MEIOSIN: variants seen among roughly 807,000 people sequenced by gnomAD.
MEIOSIN encodes meiosis initiator protein.
Under a neutral mutation model 23.4 loss-of-function variants are expected in MEIOSIN, and 18 were observed. That is an observed-to-expected ratio of 0.77 (90% CI 0.53 to 1.14). The LOEUF (loss-of-function observed/expected upper bound fraction) is 1.14. Among genes scored for constraint, MEIOSIN ranks in the 50% most tolerant of loss-of-function variants. The probability of loss-of-function intolerance (pLI) is 0.00; values close to 1 mark genes in which losing one functional copy is unlikely to be tolerated. For missense variants in MEIOSIN, 428 were observed against 242.9 expected, an observed-to-expected ratio of 1.76 and a Z score of -5.07; for synonymous variants, 187 against 100.6, an observed-to-expected ratio of 1.86 and a Z score of -5.14.
intron 1 of MEIOSIN, among the ~76,000 whole-genome samples, chr19:45,734,172 A>C (rs1600371701): frequency 6.6e-6 from 1 of 152,112 alleles, no homozygotes; most frequent in African/African-American, 2.4e-5. Context: ...AGTCTTTAGA[A>C]GCACGTTTTA....
intron 5 of MEIOSIN, among the ~76,000 whole-genome samples, chr19:45,752,957 C>G (rs1161786155): frequency 7.5e-6 from 1 of 133,576 alleles, no homozygotes; most frequent in African/African-American, 2.8e-5. Flanking sequence ...GAGTCTCGCT[C>G]TTTTCGCCCA....
At chr19:45,756,489 G>A (rs906433847) in intron 8 of MEIOSIN, among the ~76,000 whole-genome samples, 13 of 152,158 alleles carry the variant, frequency 8.5e-5, no homozygotes, top group African/African-American at 2.9e-4. Flanking sequence ...ACAATCATAG[G>A]TCACTGCCGC....
chr19:45,755,695 C>T lies in MEIOSIN; in HGVS notation c.803-275C>T, dbSNP rs563415938. Among the ~76,000 whole-genome samples, 8 of 152,300 alleles carry T rather than the reference C, an allele frequency of 5.3e-5. No individual in the cohort carries two copies. In the South Asian group the frequency reaches 1.7e-3, roughly 32 times the overall value. On this transcript the variant is annotated intron_variant, in intron 7 of 14. Transcript: ENST00000457052. ...AACTCCTGACCTCGTGATCCACCGCCTCAGCCTCCCAAAGTGCAGGGGTTA... is the reference window on the plus strand; with the variant it reads ...AACTCCTGACCTCGTGATCCACCGCTTCAGCCTCCCAAAGTGCAGGGGTTA...
intron 8 of MEIOSIN, among the ~76,000 whole-genome samples, 189 bp from the exon 9 acceptor site, chr19:45,756,988 G>A (rs1393762504): frequency 6.6e-6 from 1 of 152,104 alleles, no homozygotes; most frequent in Non-Finnish European, 1.5e-5. Context: ...AGCGCCCTCG[G>A]TCACAGCACT....
rs777451769 is a variant in MEIOSIN at position 45,743,637 on chromosome 19, T to TC, written c.177-1554dup. On this transcript the variant is annotated intron_variant, in intron 3 of 14. Coordinates refer to ENST00000457052, the MANE Select transcript of MEIOSIN (RefSeq NM_001310124.2). ...CCTAGGCTCAAGCAATTCTCCTGCC[T>TC]CAGCCTCCCGAGTAGCTGGGATTAC... 2.3e-3 allele frequency among the ~76,000 whole-genome samples: 348 copies of TC among 152,256 alleles called. 1 individual carries two copies. The highest frequency in any genetic ancestry group is 4.2e-3 in the Non-Finnish European group (284 of 68,022).
intron 1 of MEIOSIN, among the ~76,000 whole-genome samples, chr19:45,734,123 T>A (rs372526023): frequency 1.1e-4 from 17 of 152,156 alleles, no homozygotes; most frequent in East Asian, 9.7e-4. Flanking sequence ...TAAATCCCAA[T>A]GTAGAGTATG....
chr19:45,751,102 G>A (rs1391410233), intron 5 of MEIOSIN, among the ~76,000 whole-genome samples: 4 of 151,824 alleles, frequency 2.6e-5, no homozygotes, highest in South Asian at 2.1e-4. Flanking sequence ...GCAAAACCCC[G>A]TCTCTACTAA....
intron 6 of MEIOSIN, 28 bp from the exon 7 acceptor site, chr19:45,754,451 T>C (rs754070033): frequency 1.4e-4 from 94 of 693,886 alleles, no homozygotes; most frequent in Non-Finnish European, 2.1e-4. Flanking sequence ...CCCAGGCCCC[T>C]CTGACACCTG....
chr19:45,740,685 G>C (rs1048193552), intron 3 of MEIOSIN, among the ~76,000 whole-genome samples: 1 of 151,752 alleles, frequency 6.6e-6, no homozygotes, highest in East Asian at 1.9e-4. Flanking sequence ...AGGAGACGGA[G>C]GTTGCAGTGA....
At chr19:45,751,691 G>A (rs1968713250) in intron 5 of MEIOSIN, among the ~76,000 whole-genome samples, 1 of 149,566 alleles carries the variant, frequency 6.7e-6, no homozygotes. Flanking sequence ...TCTAGCCTTA[G>A]GGGACTGCTA....
At chr19:45,741,055 A>G (rs1421924997) in intron 3 of MEIOSIN, among the ~76,000 whole-genome samples, 1 of 152,032 alleles carries the variant, frequency 6.6e-6, no homozygotes, top group Non-Finnish European at 1.5e-5. Flanking sequence ...CTTCTTCCAT[A>G]GAAAAATATT....
chr19:45,735,327 C>G, intron 1 of MEIOSIN, 50 bp from the exon 2 acceptor site: 1 of 700,318 alleles, frequency 1.4e-6, no homozygotes, highest in Non-Finnish European at 2.6e-6. Context: ...TCCTGCCCAT[C>G]CTTCCTGCAA....
intron 7 of MEIOSIN, among the ~76,000 whole-genome samples, chr19:45,755,462 TG>T (rs1968806350): frequency 1.3e-5 from 2 of 150,088 alleles, no homozygotes; most frequent in South Asian, 4.2e-4. Flanking sequence ...TAGAGTTTTT[TG>T]TTTGTTTTGA....
At chr19:45,750,328 A>C (rs1194224605) in intron 4 of MEIOSIN, among the ~76,000 whole-genome samples, 2 of 137,786 alleles carry the variant, frequency 1.5e-5, no homozygotes, top group Admixed American at 7.4e-5. Context: ...TGTTGTGCTC[A>C]ACCCTGTCTT....
rs1968574445 is a variant in MEIOSIN, at chr19:45,745,336, G to A, written c.306+15G>A. 1.4e-6 allele frequency: 1 copy of A among 698,504 alleles called. No homozygotes were observed. Among genetic ancestry groups the A allele is most frequent in the Admixed American group, 2.0e-5 (1 of 48,964 alleles). 43.3% of individuals were successfully genotyped at this position (698,504 alleles called of 1,614,324 possible). A position where few individuals can be genotyped will look rare whatever the true frequency, so the allele number is the denominator to read the frequency against. On this transcript the variant is annotated intron_variant, in intron 4 of 14. Coordinates refer to ENST00000457052, the MANE Select transcript of MEIOSIN (RefSeq NM_001310124.2). ...AGCTCACAAAGGTACAGGGACTAGA[G>A]GAGAGGGGCCAGATTTGGGACGCAG...
chr19:45,753,058 G>C (rs949838269), intron 5 of MEIOSIN, among the ~76,000 whole-genome samples: 1 of 151,764 alleles, frequency 6.6e-6, no homozygotes, highest in African/African-American at 2.4e-5. Context: ...CAAGTAACTG[G>C]GATTACAGGC....
chr19:45,761,283 C>T (rs1417199090), intron 11 of MEIOSIN, among the ~76,000 whole-genome samples: 1 of 151,938 alleles, frequency 6.6e-6, no homozygotes. Flanking sequence ...CACCAACATA[C>T]CTGGCTAATT....
At chr19:45,761,598 A>T (rs1020854061) in intron 11 of MEIOSIN, 81 bp from the exon 12 acceptor site, 3 of 636,146 alleles carry the variant, frequency 4.7e-6, no homozygotes, top group Admixed American at 4.7e-5. Context: ...TGCTCATGTT[A>T]TGTCCTAGAA....
At chr19:45,747,069 G>A (rs1262053238) in intron 4 of MEIOSIN, among the ~76,000 whole-genome samples, 1 of 152,124 alleles carries the variant, frequency 6.6e-6, no homozygotes, top group African/African-American at 2.4e-5. Flanking sequence ...CCCTCCCCTC[G>A]AGGAATGGCA....
Sources: gnomAD v4.1 joint callset for allele counts (sites outside exome capture counted in the v4.1 genomes callset) on GRCh38, gnomAD v4.1.1 for gene constraint, MANE v1.5 for transcripts, NCBI Gene and HGNC (gene_info 2026-07-23, HGNC 2026-07-21) for gene names.